The following CNTNAP2 variants were observed in gnomAD, a reference collection of about 807,000 sequenced individuals.
CNTNAP2 encodes the protein contactin associated protein 2, also known as contactin-associated protein-like 2.
In CNTNAP2, 98 loss-of-function variants were observed where a neutral mutation model predicts 155.2. The observed-to-expected ratio is 0.63, with a 90% CI of 0.54 to 0.75. The LOEUF is 0.75. Among genes scored for constraint, CNTNAP2 ranks in the 30% least tolerant of loss-of-function variants. CNTNAP2 has a pLI of 0.00. For synonymous variants in CNTNAP2, 651 were observed against 631.2 expected, an observed-to-expected ratio of 1.03 and a Z score of -0.47; for missense variants, 1,727 against 1,688.1, an observed-to-expected ratio of 1.02 and a Z score of -0.40.
chr7:146,815,625 A>T (rs1186122916), intron 2 of CNTNAP2, among the ~76,000 whole-genome samples: 1 of 152,182 alleles, frequency 6.6e-6, no homozygotes, highest in Non-Finnish European at 1.5e-5. Flanking sequence ...GAGGAAACTT[A>T]TTGTATTCAC....
At chr7:147,364,686 A>G (rs1247730477) in intron 9 of CNTNAP2, among the ~76,000 whole-genome samples, 1 of 152,142 alleles carries the variant, frequency 6.6e-6, no homozygotes, top group Non-Finnish European at 1.5e-5. Context: ...CGTCTCTGCT[A>G]AAAATACAAA....
intron 4 of CNTNAP2, among the ~76,000 whole-genome samples, chr7:147,058,343 T>C (rs978222367): frequency 7.9e-5 from 12 of 152,206 alleles, no homozygotes; most frequent in Admixed American, 6.5e-5. Flanking sequence ...GTTAGCAAAG[T>C]GTATTCTCTA....
chr7:146,665,138 G>A (rs1480716422), intron 1 of CNTNAP2, among the ~76,000 whole-genome samples: 14 of 152,082 alleles, frequency 9.2e-5, no homozygotes, highest in African/African-American at 1.4e-4. Flanking sequence ...TAGTAGCGAC[G>A]GGGTTTCACC....
At chr7:146,901,743 G>A (rs1301561850) in intron 3 of CNTNAP2, among the ~76,000 whole-genome samples, 1 of 151,980 alleles carries the variant, frequency 6.6e-6, no homozygotes, top group Non-Finnish European at 1.5e-5. Flanking sequence ...GAAATATCAG[G>A]ACTCTGAAAA....
intron 11 of CNTNAP2, among the ~76,000 whole-genome samples, chr7:147,487,011 A>G (rs1798521865): frequency 6.6e-6 from 1 of 152,068 alleles, no homozygotes; most frequent in South Asian, 2.1e-4. Flanking sequence ...GATTATACAA[A>G]CAGATTTCAC....
chr7:146,591,486 G>GCAGT (rs1665774126), intron 1 of CNTNAP2, among the ~76,000 whole-genome samples: 2 of 142,594 alleles, frequency 1.4e-5, no homozygotes, highest in Non-Finnish European at 3.1e-5. Context: ...TGAAATTTTA[G>GCAGT]CAGTCTATCA....
chr7:148,125,204 G>A (rs1227214641), intron 16 of CNTNAP2, among the ~76,000 whole-genome samples: 3 of 152,042 alleles, frequency 2.0e-5, no homozygotes, highest in African/African-American at 7.2e-5. Flanking sequence ...TAGTGGGAAA[G>A]ACTAGTAATC....
intron 2 of CNTNAP2, among the ~76,000 whole-genome samples, chr7:146,826,855 TATAGAGAGAG>T (rs1416265742): frequency 9.3e-5 from 13 of 140,062 alleles, no homozygotes; most frequent in Admixed American, 5.0e-4. Flanking sequence ...TATATATATA[TATAGAGAGAG>T]AGAGAGAGAG....
chr7:146,830,862 C>G (rs1030307275), intron 2 of CNTNAP2, among the ~76,000 whole-genome samples: 21 of 152,150 alleles, frequency 1.4e-4, no homozygotes, highest in Non-Finnish European at 8.8e-5. Context: ...AGGATGAAAG[C>G]CTGTGGAACA....
intron 21 of CNTNAP2, among the ~76,000 whole-genome samples, chr7:148,292,665 C>A (rs999501615): frequency 2.6e-5 from 4 of 152,164 alleles, no homozygotes; most frequent in Non-Finnish European, 5.9e-5. Flanking sequence ...AGACTCTTCA[C>A]TGGGGAGGTT....
intron 1 of CNTNAP2, among the ~76,000 whole-genome samples, chr7:146,256,617 A>G (rs1799841909): frequency 6.6e-6 from 1 of 152,004 alleles, no homozygotes; most frequent in South Asian, 2.1e-4. Context: ...TGTTAGTATC[A>G]ATAAAATGCC....
intron 22 of CNTNAP2, among the ~76,000 whole-genome samples, chr7:148,393,354 T>G (rs1799396271): frequency 6.6e-6 from 1 of 152,220 alleles, no homozygotes; most frequent in Admixed American, 6.5e-5. Flanking sequence ...ACCAACACAG[T>G]TCACACTTAA....
chr7:146,975,110 G>A (rs1797883161), intron 3 of CNTNAP2, among the ~76,000 whole-genome samples: 3 of 152,254 alleles, frequency 2.0e-5, no homozygotes, highest in East Asian at 3.9e-4. Context: ...CATATTTTGG[G>A]TGATATCTGA....
chr7:146,662,045 G>T lies in CNTNAP2; in HGVS notation c.98-112226G>T, dbSNP rs183374309. On this transcript the variant is annotated intron_variant, in intron 1 of 23. Transcript: ENST00000361727. ...AGTTTTAAACTGTAATTCACTCATG[G>T]TCAATGATGCCGAACATTTTTCATG... Among the ~76,000 whole-genome samples, 317 of 151,878 alleles carry T rather than the reference G, an allele frequency of 2.1e-3. 1 individual carries two copies. The highest frequency in any genetic ancestry group is 3.4e-3 in the Non-Finnish European group (233 of 68,000).
intron 21 of CNTNAP2, among the ~76,000 whole-genome samples, chr7:148,381,142 G>A (rs917320528): frequency 6.6e-6 from 1 of 152,216 alleles, no homozygotes; most frequent in Admixed American, 6.5e-5. Flanking sequence ...CAGCATCTAG[G>A]GGTGGTGCCT....
chr7:146,373,288 T>C (rs1245481332), intron 1 of CNTNAP2, among the ~76,000 whole-genome samples: 1 of 152,130 alleles, frequency 6.6e-6, no homozygotes, highest in Non-Finnish European at 1.5e-5. Context: ...AGCTATTTGG[T>C]GCCTCGCCTT....
intron 3 of CNTNAP2, among the ~76,000 whole-genome samples, chr7:146,959,713 C>CA (rs1176908836): frequency 3.5e-3 from 312 of 90,270 alleles, no homozygotes; most frequent in South Asian, 7.6e-3. Context: ...CAGCGAGTCT[C>CA]AAAAAAAAAA....
intron 13 of CNTNAP2, among the ~76,000 whole-genome samples, chr7:147,655,491 G>A (rs1409909144): frequency 5.3e-5 from 8 of 152,218 alleles, no homozygotes; most frequent in Non-Finnish European, 8.8e-5. Context: ...AATTCATGTT[G>A]TATTAGCAGG....
chr7:147,012,739 A>T (rs1029286446), intron 3 of CNTNAP2, among the ~76,000 whole-genome samples: 1 of 152,182 alleles, frequency 6.6e-6, no homozygotes, highest in African/African-American at 2.4e-5. Flanking sequence ...TTTTGAAAAC[A>T]TAATTTGTAA....
Sources: gnomAD v4.1 joint callset for allele counts (sites outside exome capture counted in the v4.1 genomes callset) on GRCh38, gnomAD v4.1.1 for gene constraint, MANE v1.5 for transcripts, NCBI Gene and HGNC (gene_info 2026-07-23, HGNC 2026-07-21) for gene names.